NOC4L: variants seen among roughly 807,000 people sequenced by gnomAD.
NOC4L encodes the protein nucleolar complex associated 4 homolog, also known as nucleolar complex protein 4 homolog.
Under a neutral mutation model 62.8 loss-of-function variants are expected in NOC4L, and 40 were observed. The ratio of observed to expected loss-of-function variants is 0.64; its 90% CI spans 0.49 to 0.83. NOC4L has a LOEUF of 0.83. NOC4L is among the 40% of genes least tolerant of loss of function. The pLI, the probability that NOC4L is intolerant of heterozygous loss-of-function variation, is 0.00. For missense variants in NOC4L, 927 were observed against 701.9 expected (o/e 1.32, Z -3.62); for synonymous variants, 433 against 299.8 (o/e 1.44, Z -4.59).
At chr12:132,148,441 G>A (rs1897809138) in intron 7 of NOC4L, among the ~76,000 whole-genome samples, 168 bp from the exon 8 acceptor site, 1 of 152,220 alleles carries the variant, frequency 6.6e-6, no homozygotes, top group Admixed American at 6.5e-5. Flanking sequence ...CAGCCTCGAG[G>A]GCAAGGCGTA....
At position 132,145,681 on chromosome 12, in the gene NOC4L, G is replaced by C; in HGVS notation, c.345+16G>C. On this transcript the variant is annotated intron_variant, in intron 3 of 14. Transcript: ENST00000330579. ...TCAGGTCAAGGTGGGTCATTGGGCT[G>C]GCCTCATCCTTGTCCATCCCCTGCA... The C allele has an allele frequency of 6.3e-7, 1 of 1,575,060 alleles. No homozygotes were observed. The highest frequency in any genetic ancestry group is 8.7e-7 in the Non-Finnish European group (1 of 1,146,730).
chr12:132,148,678 AGGGGGC>A lies in NOC4L; in HGVS notation c.789+28_789+33del. The A allele has an allele frequency of 3.6e-5, 13 of 361,646 alleles. No homozygotes were observed. Among genetic ancestry groups the A allele is most frequent in the Non-Finnish European group, 5.6e-5 (12 of 213,892 alleles). 22.4% of individuals were successfully genotyped at this position (361,646 alleles called of 1,614,324 possible). On this transcript the variant is annotated intron_variant, in intron 8 of 14. Transcript: ENST00000330579. ...GCACAAGGTAGGGGCCAGGCCGGGG[AGGGGGC>A]GGGGGCGGCATCCGGGTCTCCCCCA...
intron 3 of NOC4L, among the ~76,000 whole-genome samples, chr12:132,146,051 T>C (rs1897707256): frequency 6.6e-6 from 1 of 152,230 alleles, no homozygotes; most frequent in Non-Finnish European, 1.5e-5. Context: ...CGTTTAAAGC[T>C]GAGAAGTTAG....
chr12:132,151,302 C>T lies in NOC4L; in HGVS notation c.1007C>T (p.Pro336Leu), dbSNP rs775432771. 4.2e-5 allele frequency: 67 copies of T among 1,611,948 alleles called. No homozygotes were observed. In the Admixed American group the frequency reaches 8.7e-4, roughly 21 times the overall value. ...FYRKLYGLLDPSVFHVKYRAR... is the reference protein window; with the variant it reads ...FYRKLYGLLDLSVFHVKYRAR... ...CGGAAGCTCTACGGCCTCTTGGACC[C>T]CTCTGTCTTTCACGTCAAGTACCGC... Residue 336 changes from proline to leucine, a missense_variant, in exon 11 of 15, where the codon CCC becomes CTC. Transcript: ENST00000330579.
intron 3 of NOC4L, 75 bp downstream of exon 3, chr12:132,145,740 C>T (rs778728467): frequency 4.9e-6 from 5 of 1,023,368 alleles, no homozygotes; most frequent in African/African-American, 1.6e-5. Flanking sequence ...AAGCAGAGGT[C>T]TGGGGCTCCC....
At position 132,144,495 on chromosome 12, in the gene NOC4L, C is replaced by T. The variant is rs753205984; in HGVS notation, c.7C>T (p.Arg3Trp). 1.1e-5 allele frequency: 17 copies of T among 1,522,730 alleles called. No individual in the cohort carries two copies. The highest frequency in any genetic ancestry group is 1.0e-4 in the East Asian group (4 of 38,574). The allele number at this position is 1,522,730 out of a possible 1,614,324, so 94.3% of individuals were successfully genotyped here. A position where few individuals can be genotyped will look rare whatever the true frequency, so the allele number is the denominator to read the frequency against. Residue 3 changes from arginine (R) to tryptophan (W), a missense_variant, in exon 1 of 15, where the codon CGG (arginine) becomes TGG (tryptophan). Physicochemically the swap from Arg to Trp is moderately radical, Grantham distance 101. Transcript: ENST00000330579. MEREPGAAGVRRA... is the reference protein window; with the variant it reads MEWEPGAAGVRRA... Reference sequence around the variant, plus strand: ...GTTCCGTGTTGGGGGCGGCATGGAGCGGGAGCCGGGCGCCGCGGGAGTTCG... The same window carrying T: ...GTTCCGTGTTGGGGGCGGCATGGAGTGGGAGCCGGGCGCCGCGGGAGTTCG...
At position 132,152,413 on chromosome 12, in the gene NOC4L, C is replaced by A; in HGVS notation, c.*12C>A. On this transcript the variant is annotated 3_prime_UTR_variant, in exon 15 of 15. Coordinates refer to ENST00000330579, the MANE Select transcript of NOC4L (RefSeq NM_024078.3). ...TCACGCTCAGCTGACCCTGGCCCAC[C>A]TGTGAATAAATCTCAGCTGACCCCA... is the stretch of plus-strand genomic sequence containing the variant. The A allele has an allele frequency of 6.4e-7, 1 of 1,569,632 alleles. No individual in the cohort carries two copies. The highest frequency in any genetic ancestry group is 8.7e-7 in the Non-Finnish European group (1 of 1,154,498).
chr12:132,152,247 C>T (rs1565962500), intron 14 of NOC4L, 35 bp from the exon 15 acceptor site: 2 of 1,596,194 alleles, frequency 1.3e-6, no homozygotes, highest in Non-Finnish European at 1.7e-6. Context: ...GGCGCTGAGC[C>T]AAGCCTGAGA....
Position 132,147,719 on chromosome 12 carries a change from C to T in NOC4L, c.540C>T (p.Thr180=). ...GGGAGTACCTGGACTACGACGACAC[C>T]CGCTACCACACCATGCAGGCAGCCG... is the stretch of plus-strand genomic sequence containing the variant. ...QFREYLDYDD[T]RYHTMQAAVD... is the part of the protein sequence containing the mutation. The change falls in exon 5 of 15, where the codon ACC becomes ACT. Residue 180 remains threonine (T), a synonymous_variant. Transcript: ENST00000330579. 1 of 1,612,888 alleles carries T rather than the reference C, an allele frequency of 6.2e-7. No homozygotes were observed. Among genetic ancestry groups the T allele is most frequent in the Non-Finnish European group, 8.5e-7 (1 of 1,179,966 alleles).
intron 3 of NOC4L, among the ~76,000 whole-genome samples, chr12:132,146,886 G>A (rs2136687998): frequency 6.6e-6 from 1 of 152,254 alleles, no homozygotes; most frequent in African/African-American, 2.4e-5. Flanking sequence ...CCCGAGATGA[G>A]AGCTTCCAAG....
rs775268114 is a variant in NOC4L, at chr12:132,147,695, G to C, written c.516G>C (p.Arg172=). Residue 172 remains arginine, a synonymous_variant, in exon 5 of 15, where the codon CGG becomes CGC. Coordinates refer to ENST00000330579, the MANE Select transcript of NOC4L (RefSeq NM_024078.3). ...EDQSLLLSQF[R]EYLDYDDTRY... is the part of the protein sequence containing the mutation. ...AGAGCCTGCTCCTGTCCCAGTTCCG[G>C]GAGTACCTGGACTACGACGACACCC... The C allele has an allele frequency of 6.2e-7, 1 of 1,612,932 alleles. No homozygotes were observed. The highest frequency in any genetic ancestry group is 8.5e-7 in the Non-Finnish European group (1 of 1,179,954).
At chr12:132,146,836 G>C (rs1897744670) in intron 3 of NOC4L, among the ~76,000 whole-genome samples, 1 of 152,104 alleles carries the variant, frequency 6.6e-6, no homozygotes, top group Non-Finnish European at 1.5e-5. Context: ...TTGCTTTGTG[G>C]TGTCATTTGC....
rs762753792 is a variant in NOC4L at position 132,151,589 on chromosome 12, C to G, written c.1179C>G (p.Asn393Lys). Reference protein sequence around the residue: ...ALLMVLPFICNLLRRHPACRV... With the variant: ...ALLMVLPFICKLLRRHPACRV... ...TCATGGTCCTGCCTTTCATCTGTAA[C>G]CTGCTGCGCCGGCACCCTGCCTGCC... Residue 393 changes from asparagine (N) to lysine (K), a missense_variant, in exon 12 of 15, where the codon AAC (asparagine) becomes AAG (lysine). Asn to Lys is a moderately conservative substitution (Grantham distance 94). Coordinates refer to ENST00000330579, the MANE Select transcript of NOC4L (RefSeq NM_024078.3). The G allele has an allele frequency of 8.7e-6, 14 of 1,611,378 alleles. No homozygotes were observed. Among genetic ancestry groups the G allele is most frequent in the Admixed American group, 3.3e-5 (2 of 59,938 alleles).
At position 132,152,167 on chromosome 12, in the gene NOC4L, C is replaced by T. The variant is rs994290009; in HGVS notation, c.1401C>T (p.Ile467=). The T allele has an allele frequency of 2.5e-6, 4 of 1,612,188 alleles. No homozygotes were observed. The highest frequency in any genetic ancestry group is 1.1e-5 in the South Asian group (1 of 91,072). The part of the protein sequence containing the change: ...NQALSMPEVS[I]APLLELTAYE... ...CCCTGTCCATGCCTGAGGTCAGCATCGCGCCACTGCTGGAGCTCACGGCCT... is the reference window on the plus strand; with the variant it reads ...CCCTGTCCATGCCTGAGGTCAGCATTGCGCCACTGCTGGAGCTCACGGCCT... The change falls in exon 14 of 15, where the codon ATC becomes ATT. Residue 467 remains isoleucine (I), a synonymous_variant. Coordinates refer to ENST00000330579, the MANE Select transcript of NOC4L (RefSeq NM_024078.3).
rs1897852913 is a variant in NOC4L, at chr12:132,148,996, GCCTCACTCCTACCACACCCCTAATCC to G, written c.901+106_901+131del. The G allele has an allele frequency of 3.0e-4, 51 of 169,496 alleles. 5 individuals are homozygous for G. The highest frequency in any genetic ancestry group is 1.5e-3 in the Middle Eastern group (1 of 658). The allele number at this position is 169,496 out of a possible 1,614,324, so 10.5% of individuals were successfully genotyped here. On this transcript the variant is annotated intron_variant, in intron 9 of 14. Transcript: ENST00000330579. ...CCTAATCCCCTCGGTGAGTGCCGCC[GCCTCACTCCTACCACACCCCTAATCC>G]CCTCGGTGAGTGCCGCCGCCTCACT...
intron 2 of NOC4L, 126 bp from the exon 3 acceptor site, chr12:132,145,433 C>T (rs1897676626): frequency 4.8e-6 from 3 of 626,298 alleles, no homozygotes; most frequent in Middle Eastern, 3.9e-4. Flanking sequence ...CCTTAGCGAC[C>T]TGTTTCCACC....
intron 13 of NOC4L, 47 bp from the exon 14 acceptor site, chr12:132,152,035 CAG>C: frequency 6.6e-7 from 1 of 1,513,038 alleles, no homozygotes; most frequent in Non-Finnish European, 8.9e-7. Flanking sequence ...GCTGGGGGCA[CAG>C]GGCGGGGGCC....
Position 132,148,825 on chromosome 12 carries a change from T to G in NOC4L, c.831T>G (p.His277Gln). The G allele has an allele frequency of 6.2e-7, 1 of 1,603,942 alleles. No homozygotes were observed. The highest frequency in any genetic ancestry group is 8.5e-7 in the Non-Finnish European group (1 of 1,178,232). ...SLYKKVLLIVHDAILPQLAQP... is the reference protein window; with the variant it reads ...SLYKKVLLIVQDAILPQLAQP... Reference sequence around the variant, plus strand: ...ACAAGAAGGTGCTGCTGATTGTGCATGACGCCATCCTGCCGCAGCTGGCGC... The same window carrying G: ...ACAAGAAGGTGCTGCTGATTGTGCAGGACGCCATCCTGCCGCAGCTGGCGC... The change falls in exon 9 of 15, where the codon CAT becomes CAG. Residue 277 changes from histidine (H) to glutamine (Q), a missense_variant. By Grantham distance (24) the His-to-Gln change is conservative. Coordinates refer to ENST00000330579, the MANE Select transcript of NOC4L (RefSeq NM_024078.3).
rs748786527 is a variant in NOC4L at position 132,144,463 on chromosome 12, C to G, written c.-26C>G. On this transcript the variant is annotated 5_prime_UTR_variant, in exon 1 of 15. In the 5' UTR this introduces an upstream ATG that the reference lacks. Coordinates refer to ENST00000330579, the MANE Select transcript of NOC4L (RefSeq NM_024078.3). ...CACGGGAGCGCCGGCGGCTGAGAATCCGCGTTGTTCCGTGTTGGGGGCGGC... is the reference window on the plus strand; with the variant it reads ...CACGGGAGCGCCGGCGGCTGAGAATGCGCGTTGTTCCGTGTTGGGGGCGGC... 2.0e-6 allele frequency: 3 copies of G among 1,484,812 alleles called. No homozygotes were observed. The highest frequency in any genetic ancestry group is 1.3e-5 in the South Asian group (1 of 75,804). 92.0% of individuals were successfully genotyped at this position (1,484,812 alleles called of 1,614,324 possible). A position where few individuals can be genotyped will look rare whatever the true frequency, so the allele number is the denominator to read the frequency against.
Sources: allele counts gnomAD v4.1 joint callset (sites outside exome capture counted in the v4.1 genomes callset), GRCh38; gene constraint gnomAD v4.1.1; transcripts MANE v1.5; gene names NCBI Gene and HGNC (gene_info 2026-07-23, HGNC 2026-07-21).